The following EYS variants were observed in gnomAD, a reference collection of about 807,000 sequenced individuals.
The protein encoded by EYS is protein eyes shut homolog.
In EYS, 250 loss-of-function variants were observed where a neutral mutation model predicts 282.1. The observed-to-expected ratio is 0.89, with a 90% CI of 0.80 to 0.98. The LOEUF is 0.98. Among genes scored for constraint, EYS ranks in the 50% least tolerant of loss-of-function variants. EYS has a pLI of 0.00. For synonymous variants in EYS, 1,355 were observed against 1,282.9 expected, an observed-to-expected ratio of 1.06 and a Z score of -1.20; for missense variants, 4,016 against 3,709.0, an observed-to-expected ratio of 1.08 and a Z score of -2.15.
chr6:65,306,866 A>G, intron 11 of EYS, among the ~76,000 whole-genome samples: 1 of 142,150 alleles, frequency 7.0e-6, no homozygotes, highest in South Asian at 2.2e-4. Flanking sequence ...AAAAAAAGAA[A>G]GTCTAGATTT....
chr6:64,545,771 A>T (rs1562052641), intron 26 of EYS, among the ~76,000 whole-genome samples: 1 of 152,174 alleles, frequency 6.6e-6, no homozygotes, highest in Non-Finnish European at 1.5e-5. Flanking sequence ...CCCATTCACA[A>T]TTGTTTCAAA....
At chr6:64,197,164 G>T (rs1765317700) in intron 31 of EYS, among the ~76,000 whole-genome samples, 1 of 151,952 alleles carries the variant, frequency 6.6e-6, no homozygotes, top group South Asian at 2.1e-4. Flanking sequence ...TGTTAATTTG[G>T]GCTGAAAACC....
intron 26 of EYS, among the ~76,000 whole-genome samples, chr6:64,485,298 TG>T (rs1490383751): frequency 6.6e-6 from 1 of 151,604 alleles, no homozygotes; most frequent in African/African-American, 2.4e-5. Flanking sequence ...GACAGAAGAT[TG>T]GGTTTTCTCT....
At chr6:65,287,796 T>C (rs1768410946) in intron 12 of EYS, among the ~76,000 whole-genome samples, 1 of 151,278 alleles carries the variant, frequency 6.6e-6, no homozygotes, top group African/African-American at 2.4e-5. Context: ...TGTTTAAATA[T>C]TTAAATTCAC....
intron 26 of EYS, among the ~76,000 whole-genome samples, chr6:64,481,568 A>T (rs535947827): frequency 6.6e-6 from 1 of 151,638 alleles, no homozygotes; most frequent in East Asian, 1.9e-4. Flanking sequence ...CCTCTTTTAG[A>T]GATTAATACG....
chr6:65,310,441 G>A (rs886436414), intron 11 of EYS, among the ~76,000 whole-genome samples: 1 of 151,866 alleles, frequency 6.6e-6, no homozygotes, highest in Non-Finnish European at 1.5e-5. Flanking sequence ...GCCTGCCTCT[G>A]AGTACCCACA....
At chr6:65,379,079 GA>G (rs1009240200) in intron 8 of EYS, among the ~76,000 whole-genome samples, 1 of 150,524 alleles carries the variant, frequency 6.6e-6, no homozygotes, top group Non-Finnish European at 1.5e-5. Context: ...AAATAAAACA[GA>G]AAAAAAAGAG....
intron 19 of EYS, among the ~76,000 whole-genome samples, chr6:64,831,115 T>A (rs1471908117): frequency 6.6e-6 from 1 of 152,036 alleles, no homozygotes; most frequent in East Asian, 1.9e-4. Flanking sequence ...CAGGCATTGC[T>A]GTTGAAAGTA....
At position 64,879,225 on chromosome 6, in the gene EYS, C is replaced by T. The variant is rs75082237; in HGVS notation, c.2992+7472G>A. On this transcript the variant is annotated intron_variant, in intron 19 of 42. Transcript: ENST00000503581. ...TTCCTATGAAGGGGAAAAGACCCAC[C>T]AATAATGACATTTCAGCTTTCTAAA... Among the ~76,000 whole-genome samples the T allele has an allele frequency of 4.6e-3, 696 of 152,162 alleles. 8 individuals are homozygous for T. The highest frequency in any genetic ancestry group is 0.016 in the African/African-American group (671 of 41,522).
chr6:65,599,728 T>G (rs756214942), intron 2 of EYS, among the ~76,000 whole-genome samples: 3 of 152,102 alleles, frequency 2.0e-5, no homozygotes, highest in Non-Finnish European at 4.4e-5. Context: ...TAGGTAAAAA[T>G]GTTTAGTCTC....
intron 1 of EYS, among the ~76,000 whole-genome samples, chr6:65,665,553 G>T (rs1302413745): frequency 6.6e-6 from 1 of 152,102 alleles, no homozygotes; most frequent in Non-Finnish European, 1.5e-5. Flanking sequence ...TAAATATTCA[G>T]TCTATGCTAC....
intron 2 of EYS, among the ~76,000 whole-genome samples, chr6:65,593,068 A>G (rs933524817): frequency 6.6e-6 from 1 of 152,016 alleles, no homozygotes; most frequent in African/African-American, 2.4e-5. Context: ...GGGCTAGGGA[A>G]GAGCATAAAT....
Position 65,412,293 on chromosome 6 carries a change from A to T in EYS, c.863-6926T>A, listed in dbSNP as rs148021518. ...AGTAGCCTAAACTGACTAAGACACA[A>T]ATAAAGCTACCACGAATATTAATAT... On this transcript the variant is annotated intron_variant, in intron 5 of 42. Coordinates refer to ENST00000503581, the MANE Select transcript of EYS (RefSeq NM_001142800.2). Among the ~76,000 whole-genome samples the T allele has an allele frequency of 1.6e-3, 246 of 152,260 alleles. 3 individuals are homozygous for T. In the East Asian group the frequency reaches 0.029, roughly 18 times the overall value.
intron 26 of EYS, among the ~76,000 whole-genome samples, chr6:64,492,190 A>G (rs1582816777): frequency 6.6e-6 from 1 of 151,310 alleles, no homozygotes; most frequent in East Asian, 1.9e-4. Context: ...CAGAAATGAG[A>G]AAGTGGGAAA....
At chr6:63,947,943 G>A (rs1041899139) in intron 35 of EYS, among the ~76,000 whole-genome samples, 1 of 152,140 alleles carries the variant, frequency 6.6e-6, no homozygotes, top group Non-Finnish European at 1.5e-5. Flanking sequence ...TAAGTCTTAG[G>A]AAGAAAGTTC....
At chr6:64,449,878 A>G (rs1276627705) in intron 26 of EYS, among the ~76,000 whole-genome samples, 2 of 152,156 alleles carry the variant, frequency 1.3e-5, no homozygotes, top group East Asian at 3.9e-4. Context: ...GAAAGGAACA[A>G]CCGGTACCAG....
At chr6:64,528,235 T>C (rs1376230184) in intron 26 of EYS, among the ~76,000 whole-genome samples, 1 of 151,914 alleles carries the variant, frequency 6.6e-6, no homozygotes. Context: ...ACAGGTATTC[T>C]TGTTTTATTC....
intron 19 of EYS, among the ~76,000 whole-genome samples, chr6:64,867,778 A>C (rs1231345342): frequency 6.6e-6 from 1 of 151,694 alleles, no homozygotes; most frequent in Non-Finnish European, 1.5e-5. Context: ...TATGTTAGAA[A>C]GCCATACAAA....
intron 13 of EYS, among the ~76,000 whole-genome samples, chr6:64,998,019 C>G (rs1366387664): frequency 6.6e-6 from 1 of 152,054 alleles, no homozygotes; most frequent in Non-Finnish European, 1.5e-5. Context: ...TGGCAGTACA[C>G]AATATATATG....
Sources: allele counts gnomAD v4.1 joint callset (sites outside exome capture counted in the v4.1 genomes callset), GRCh38; gene constraint gnomAD v4.1.1; transcripts MANE v1.5; gene names NCBI Gene and HGNC (gene_info 2026-07-23, HGNC 2026-07-21).